ZNF337: variants seen among roughly 807,000 people sequenced by gnomAD.
The protein encoded by ZNF337 is zinc finger protein 337.
Under a neutral mutation model 12.1 loss-of-function variants are expected in ZNF337, and 8 were observed. The observed-to-expected ratio is 0.66, with a 90% CI of 0.39 to 1.19. ZNF337 has a LOEUF of 1.19. Among genes scored for constraint, ZNF337 ranks in the 50% most tolerant of loss-of-function variants. The pLI, the probability that ZNF337 is intolerant of heterozygous loss-of-function variation, is 0.01. For synonymous variants in ZNF337, 336 were observed against 320.0 expected, an observed-to-expected ratio of 1.05 and a Z score of -0.53; for missense variants, 882 against 896.6, an observed-to-expected ratio of 0.98 and a Z score of 0.21.
chr20:25,695,701 C>A (rs986412292), intron 1 of ZNF337, among the ~76,000 whole-genome samples: 2 of 152,112 alleles, frequency 1.3e-5, no homozygotes, highest in Admixed American at 1.3e-4. Context: ...GACACCACGC[C>A]CCGCTAATTT....
chr20:25,685,557 A>G lies in ZNF337; in HGVS notation c.250+10T>C. ...GCCTTGTGCTCTGTCTGCCCTGTCT[A>G]TCCCCTCACCTGCACAGGGGCCTGG... is the stretch of plus-strand genomic sequence containing the variant. On this transcript the variant is annotated intron_variant, in intron 4 of 4. Transcript: ENST00000252979. 2 of 1,611,642 alleles carry G rather than the reference A, an allele frequency of 1.2e-6. No homozygotes were observed. The highest frequency in any genetic ancestry group is 8.5e-7 in the Non-Finnish European group (1 of 1,177,772).
chr20:25,688,847 T>G (rs190415532), intron 1 of ZNF337, among the ~76,000 whole-genome samples: 1 of 152,196 alleles, frequency 6.6e-6, no homozygotes, highest in East Asian at 1.9e-4. Flanking sequence ...TAAGTATCTC[T>G]GCCGGGCGCG....
intron 4 of ZNF337, among the ~76,000 whole-genome samples, chr20:25,681,433 G>C (rs2065767011): frequency 6.6e-6 from 1 of 152,058 alleles, no homozygotes; most frequent in African/African-American, 2.4e-5. Context: ...GGGAAGCAAG[G>C]AATGGGAAAG....
chr20:25,695,765 G>T (rs2065918201), intron 1 of ZNF337, among the ~76,000 whole-genome samples: 2 of 152,168 alleles, frequency 1.3e-5, no homozygotes, highest in African/African-American at 2.4e-5. Flanking sequence ...TGCCCAGGCT[G>T]CTCTGGAACT....
intron 4 of ZNF337, among the ~76,000 whole-genome samples, chr20:25,685,363 A>C (rs989970181): frequency 6.6e-6 from 1 of 152,138 alleles, no homozygotes; most frequent in African/African-American, 2.4e-5. Flanking sequence ...AAGTAGGGGG[A>C]AAGGAGGCTT....
rs1224508232 is a variant in ZNF337, at chr20:25,675,772, G to A, written c.1516C>T (p.His506Tyr). 6.2e-7 allele frequency: 1 copy of A among 1,613,954 alleles called. No individual in the cohort carries two copies. Among genetic ancestry groups the A allele is most frequent in the African/African-American group, 1.3e-5 (1 of 74,896 alleles). ...RFRDKSSYNK[H>Y]LRAHLGEKRF... Reference sequence around the variant, plus strand: ...TTCTCACCCAAGTGTGCCCTCAGGTGCTTGTTATAGGAGGACTTATCCCGA... The same window carrying A: ...TTCTCACCCAAGTGTGCCCTCAGGTACTTGTTATAGGAGGACTTATCCCGA... Residue 506 changes from histidine to tyrosine, a missense_variant, in exon 5 of 5, where the codon CAC becomes TAC. Physicochemically the swap from His to Tyr is moderately conservative, Grantham distance 83 (BLOSUM62 2). Transcript: ENST00000252979.
intron 1 of ZNF337, among the ~76,000 whole-genome samples, chr20:25,692,850 T>TA (rs901242282): frequency 2.0e-5 from 3 of 152,158 alleles, no homozygotes; most frequent in Admixed American, 1.3e-4. Context: ...TCTCCTAAGA[T>TA]AAAAAAACAG....
At position 25,674,137 on chromosome 20, in the gene ZNF337, T is replaced by G. The variant is rs181155737; in HGVS notation, c.*895A>C. 6.6e-6 allele frequency: 1 copy of G among 152,242 alleles called. No homozygotes were observed. The highest frequency in any genetic ancestry group is 1.9e-4 in the East Asian group (1 of 5,198). The allele number at this position is 152,242 out of a possible 1,614,324, so 9.4% of individuals were successfully genotyped here. ...TATACAGAGATTTTATTTCCAGATA[T>G]GACTGTGAGAGAATGATGAGGGGAG... On this transcript the variant is annotated 3_prime_UTR_variant, in exon 5 of 5. Coordinates refer to ENST00000252979, the MANE Select transcript of ZNF337 (RefSeq NM_015655.4).
At chr20:25,686,507 G>C (rs1569014004) in intron 1 of ZNF337, 41 bp from the exon 2 acceptor site, 7 of 1,454,602 alleles carry the variant, frequency 4.8e-6, no homozygotes, top group Non-Finnish European at 6.7e-6. Context: ...GGGTGCAGCT[G>C]CCCTCCCCAT....
rs776454730 is a variant in ZNF337 at position 25,676,581 on chromosome 20, T to G, written c.707A>C (p.Tyr236Ser). The G allele has an allele frequency of 6.2e-7, 1 of 1,614,128 alleles. No individual in the cohort carries two copies. The highest frequency in any genetic ancestry group is 8.5e-7 in the Non-Finnish European group (1 of 1,179,980). Residue 236 changes from tyrosine to serine, a missense_variant, in exon 5 of 5, where the codon TAT becomes TCT. Coordinates refer to ENST00000252979, the MANE Select transcript of ZNF337 (RefSeq NM_015655.4). ...HQNTHTGEKS[Y>S]VCSVCGRGFS... is the part of the protein sequence containing the mutation. ...GCCTCGCCCACACACACTGCACACA[T>G]AGGACTTCTCTCCTGTGTGTGTGTT...
intron 4 of ZNF337, among the ~76,000 whole-genome samples, chr20:25,685,076 G>C (rs1327031609): frequency 6.7e-6 from 1 of 149,030 alleles, no homozygotes; most frequent in Non-Finnish European, 1.5e-5. Context: ...GTATACCTAT[G>C]TAACAAACCT....
At chr20:25,680,302 T>C (rs1431643387) in intron 4 of ZNF337, among the ~76,000 whole-genome samples, 1 of 152,150 alleles carries the variant, frequency 6.6e-6, no homozygotes, top group Non-Finnish European at 1.5e-5. Context: ...ATATTTGAGG[T>C]TATGGATCCT....
In ZNF337 at chr20:25,685,566, C is replaced by A; in HGVS notation, c.250+1G>T. The A allele has an allele frequency of 6.2e-7, 1 of 1,613,724 alleles. No individual in the cohort carries two copies. The highest frequency in any genetic ancestry group is 8.5e-7 in the Non-Finnish European group (1 of 1,179,602). ...TCTGTCTGCCCTGTCTATCCCCTCA[C>A]CTGCACAGGGGCCTGGCCGGCGTCT... is the stretch of plus-strand genomic sequence containing the variant. On this transcript the variant is annotated splice_donor_variant, in intron 4 of 4. Coordinates refer to ENST00000252979, the MANE Select transcript of ZNF337 (RefSeq NM_015655.4). LOFTEE classifies it high-confidence loss of function.
In ZNF337 at chr20:25,674,934, A is replaced by AC; in HGVS notation, c.*97_*98insG. 3 of 1,124,886 alleles carry AC rather than the reference A, an allele frequency of 2.7e-6. No individual in the cohort carries two copies. Among genetic ancestry groups the AC allele is most frequent in the Non-Finnish European group, 3.8e-6 (3 of 782,790 alleles). 69.7% of individuals were successfully genotyped at this position (1,124,886 alleles called of 1,614,324 possible). A position where few individuals can be genotyped will look rare whatever the true frequency, so the allele number is the denominator to read the frequency against. The stretch of plus-strand genomic sequence containing the variant: ...CCTCTGGATTCTGTCTGCCTCTGTT[A>AC]TATCTTCACGAACAAGTTATGCAGC... On this transcript the variant is annotated 3_prime_UTR_variant, in exon 5 of 5. Coordinates refer to ENST00000252979, the MANE Select transcript of ZNF337 (RefSeq NM_015655.4).
rs746493000 is a variant in ZNF337 at position 25,675,493 on chromosome 20, G to C, written c.1795C>G (p.Pro599Ala). The change falls in exon 5 of 5, where the codon CCT becomes GCT. Residue 599 changes from proline to alanine, a missense_variant. By Grantham distance (27) the Pro-to-Ala change is conservative (BLOSUM62 -1). Coordinates refer to ENST00000252979, the MANE Select transcript of ZNF337 (RefSeq NM_015655.4). Reference sequence around the variant, plus strand: ...TGCCCACATTCACTACAGATGAAAGGCTTCTCCCCTGAGTGTGTCTTCTGG... The same window carrying C: ...TGCCCACATTCACTACAGATGAAAGCCTTCTCCCCTGAGTGTGTCTTCTGG... ...FHQKTHSGEK[P>A]FICSECGQGF... The C allele has an allele frequency of 3.1e-6, 5 of 1,614,114 alleles. No homozygotes were observed. Among genetic ancestry groups the C allele is most frequent in the South Asian group, 2.2e-5 (2 of 91,084 alleles).
At chr20:25,685,474 G>T in intron 4 of ZNF337, 93 bp downstream of exon 4, 1 of 1,082,050 alleles carries the variant, frequency 9.2e-7, no homozygotes, top group Non-Finnish European at 1.4e-6. Flanking sequence ...AAGGAGGCCA[G>T]AACAGCTTCC....
intron 1 of ZNF337, among the ~76,000 whole-genome samples, chr20:25,690,789 A>C (rs2065876808): frequency 6.6e-6 from 1 of 152,246 alleles, no homozygotes. Context: ...AAAAGGCCTG[A>C]GAAAATCTTA....
intron 1 of ZNF337, among the ~76,000 whole-genome samples, chr20:25,692,771 C>T (rs1055452144): frequency 5.9e-5 from 9 of 151,980 alleles, no homozygotes; most frequent in African/African-American, 2.2e-4. Context: ...AATTAGTTAC[C>T]AATAAATTAG....
intron 4 of ZNF337, among the ~76,000 whole-genome samples, chr20:25,683,016 C>A (rs1430396629): frequency 6.6e-6 from 1 of 152,060 alleles, no homozygotes. Context: ...AAACAGATGA[C>A]CCCTGAAACT....
Sources: gnomAD v4.1 joint callset for allele counts (sites outside exome capture counted in the v4.1 genomes callset) on GRCh38, gnomAD v4.1.1 for gene constraint, MANE v1.5 for transcripts, NCBI Gene and HGNC (gene_info 2026-07-23, HGNC 2026-07-21) for gene names.